Variants in SEPTIN9 observed in about 807,000 individuals in gnomAD.
SEPTIN9 encodes septin-9.
In SEPTIN9, 13 loss-of-function variants were observed where a neutral mutation model predicts 56.6. The ratio of observed to expected loss-of-function variants is 0.23; its 90% confidence interval spans 0.15 to 0.37. The LOEUF (loss-of-function observed/expected upper bound fraction) is 0.37. Ranked by LOEUF, SEPTIN9 falls within the 10% of genes least tolerant of loss-of-function variation. The pLI, the probability that SEPTIN9 is intolerant of heterozygous loss-of-function variation, is 1.00. For synonymous variants in SEPTIN9, 332 were observed against 334.1 expected, an observed-to-expected ratio of 0.99 and a Z score of 0.07; for missense variants, 650 against 823.1, an observed-to-expected ratio of 0.79 and a Z score of 2.57.
At position 77,402,658 on chromosome 17, in the gene SEPTIN9, A is replaced by G; in HGVS notation, c.676A>G (p.Lys226Glu). ...VSQLQSRLEP[K>E]PQPPVAEATP... The stretch of plus-strand genomic sequence containing the variant: ...TCAGCTGCAGAGCAGGCTGGAGCCC[A>G]AGCCCCAGCCCCCTGTGGCTGAGGC... Residue 226 changes from lysine (K) to glutamate (E), a missense_variant, in exon 3 of 12, where the codon AAG (lysine) becomes GAG (glutamate). Transcript: ENST00000427177. This position sits in a 1 kb window ranked among gnomAD's most constrained non-coding sequence, Gnocchi z 6.6. The G allele has an allele frequency of 6.2e-7, 1 of 1,611,196 alleles. No homozygotes were observed. The highest frequency in any genetic ancestry group is 8.5e-7 in the Non-Finnish European group (1 of 1,178,562).
chr17:77,439,629 C>T (rs1217453569), intron 3 of SEPTIN9, among the ~76,000 whole-genome samples: 3 of 150,894 alleles, frequency 2.0e-5, no homozygotes, highest in African/African-American at 4.8e-5. Flanking sequence ...TGAGCAGATC[C>T]CCACACCTTA....
chr17:77,361,311 G>C (rs567590060), intron 2 of SEPTIN9, among the ~76,000 whole-genome samples: 1 of 152,266 alleles, frequency 6.6e-6, no homozygotes, highest in Non-Finnish European at 1.5e-5. Flanking sequence ...GACAGAGCCT[G>C]CCCTCCTTTT....
chr17:77,492,531 G>A lies in SEPTIN9; in HGVS notation c.1381-90G>A. 3 of 1,169,780 alleles carry A rather than the reference G, an allele frequency of 2.6e-6. No homozygotes were observed. The highest frequency in any genetic ancestry group is 2.4e-5 in the South Asian group (2 of 82,174). The allele number at this position is 1,169,780 out of a possible 1,614,324, so 72.5% of individuals were successfully genotyped here. On this transcript the variant is annotated intron_variant, in intron 8 of 11. Transcript: ENST00000427177. The surrounding 1 kb of genome is among the most constrained non-coding windows in gnomAD (Gnocchi z 5.4). ...TGCCCTTGAACCCGAGCCTGGGGCAGCACACAGTGTGGAGGTCATGTGGCA... is the reference window on the plus strand; with the variant it reads ...TGCCCTTGAACCCGAGCCTGGGGCAACACACAGTGTGGAGGTCATGTGGCA...
intron 3 of SEPTIN9, among the ~76,000 whole-genome samples, chr17:77,441,076 C>T (rs1049714216): frequency 1.3e-5 from 2 of 152,182 alleles, no homozygotes; most frequent in African/African-American, 4.8e-5. Flanking sequence ...GTTTTCTCAG[C>T]CTCTGGTGTG....
In SEPTIN9 at chr17:77,499,377, T is replaced by TC. The variant is rs1215138803; in HGVS notation, c.*720dup. On this transcript the variant is annotated 3_prime_UTR_variant, in exon 12 of 12. Coordinates refer to ENST00000427177, the MANE Select transcript of SEPTIN9 (RefSeq NM_001113491.2). ...TCTTCATCTCCCTGCCATCCCCCTC[T>TC]CACGCCACCCCCGCCCCCACCGGGC... is the stretch of plus-strand genomic sequence containing the variant. 3.5e-6 allele frequency: 2 copies of TC among 564,082 alleles called. No individual in the cohort carries two copies. Among genetic ancestry groups the TC allele is most frequent in the Admixed American group, 4.1e-5 (2 of 48,590 alleles). 34.9% of individuals were successfully genotyped at this position (564,082 alleles called of 1,614,324 possible).
chr17:77,364,488 A>C (rs1042778525), intron 2 of SEPTIN9, among the ~76,000 whole-genome samples: 63 of 152,186 alleles, frequency 4.1e-4, no homozygotes, highest in African/African-American at 1.3e-3. Flanking sequence ...TTTGCACTGG[A>C]GCCTCTTTGG....
Position 77,498,838 on chromosome 17 carries a change from C to T in SEPTIN9, c.*180C>T, listed in dbSNP as rs2040391381. ...CCCTCCGAGTGAGTCAGTGATGAGG[C>T]CGCGGCCTCCCCGAGGTTGTGGGGA... On this transcript the variant is annotated 3_prime_UTR_variant, in exon 12 of 12. Transcript: ENST00000427177. 4.7e-6 allele frequency: 3 copies of T among 632,426 alleles called. No individual in the cohort carries two copies. Among genetic ancestry groups the T allele is most frequent in the African/African-American group, 1.8e-5 (1 of 55,930 alleles). 39.2% of individuals were successfully genotyped at this position (632,426 alleles called of 1,614,324 possible). A position where few individuals can be genotyped will look rare whatever the true frequency, so the allele number is the denominator to read the frequency against.
In SEPTIN9 at chr17:77,402,614, C is replaced by T. The variant is rs756500601; in HGVS notation, c.632C>T (p.Ser211Leu). 1 of 1,612,928 alleles carries T rather than the reference C, an allele frequency of 6.2e-7. No homozygotes were observed. The highest frequency in any genetic ancestry group is 1.1e-5 in the South Asian group (1 of 90,926). The change falls in exon 3 of 12, where the codon TCA becomes TTA. Residue 211 changes from serine to leucine, a missense_variant. Physicochemically the swap from Ser to Leu is moderately radical, Grantham distance 145. This residue lies in a region of SEPTIN9 where 317 missense variants were observed against 329.1 expected (regional missense o/e 0.96). Coordinates refer to ENST00000427177, the MANE Select transcript of SEPTIN9 (RefSeq NM_001113491.2). The surrounding 1 kb of genome is among the most constrained non-coding windows in gnomAD (Gnocchi z 6.6). ...APSPAQTLEN[S>L]EPAPVSQLQS... ...AGCCCAGCCCAGACCTTGGAGAATTCAGAGCCTGCCCCTGTGTCTCAGCTG... is the reference window on the plus strand; with the variant it reads ...AGCCCAGCCCAGACCTTGGAGAATTTAGAGCCTGCCCCTGTGTCTCAGCTG...
In SEPTIN9 at chr17:77,319,446, G is replaced by C; in HGVS notation, c.76+12249G>C. 1.6e-6 allele frequency: 1 copy of C among 617,410 alleles called. No individual in the cohort carries two copies. The highest frequency in any genetic ancestry group is 2.1e-6 in the Non-Finnish European group (1 of 482,260). The allele number at this position is 617,410 out of a possible 1,614,324, so 38.2% of individuals were successfully genotyped here. Reference sequence around the variant, plus strand: ...CGGCTAGAGACTCACTGACTCATGCGTGTGTGGTAGGAATCTTCCAGGAAG... The same window carrying C: ...CGGCTAGAGACTCACTGACTCATGCCTGTGTGGTAGGAATCTTCCAGGAAG... On this transcript the variant is annotated intron_variant, in intron 2 of 11. Coordinates refer to ENST00000427177, the MANE Select transcript of SEPTIN9 (RefSeq NM_001113491.2). The surrounding 1 kb of genome is among the most constrained non-coding windows in gnomAD (Gnocchi z 5.3).
In SEPTIN9 at chr17:77,309,654, G is replaced by A. The variant is rs1428548264; in HGVS notation, c.76+2457G>A. ...AAGGCTCTTCTCGAGGTTGTGTTTG[G>A]GACTGGGCCAGGGATGACATTTCTG... On this transcript the variant is annotated intron_variant, in intron 2 of 11. Transcript: ENST00000427177. Among the ~76,000 whole-genome samples the A allele has an allele frequency of 3.3e-5, 5 of 152,094 alleles. No individual in the cohort carries two copies. In the South Asian group the frequency reaches 8.3e-4, roughly 25 times the overall value.
At chr17:77,418,328 G>A (rs1045426651) in intron 3 of SEPTIN9, among the ~76,000 whole-genome samples, 2 of 152,150 alleles carry the variant, frequency 1.3e-5, no homozygotes, top group African/African-American at 2.4e-5. Context: ...TCTGAGAGCC[G>A]CCTGGCCTCC....
intron 10 of SEPTIN9, among the ~76,000 whole-genome samples, chr17:77,496,582 C>T (rs1354902489): frequency 2.6e-5 from 4 of 152,244 alleles, no homozygotes; most frequent in African/African-American, 9.6e-5. Context: ...AATGACCACT[C>T]TGAGATGGCC....
intron 2 of SEPTIN9, among the ~76,000 whole-genome samples, chr17:77,363,305 G>C (rs372028351): frequency 8.6e-5 from 13 of 151,350 alleles, no homozygotes; most frequent in South Asian, 8.4e-4. Context: ...AACTTTCTCT[G>C]ACGTGATACA....
intron 2 of SEPTIN9, among the ~76,000 whole-genome samples, chr17:77,340,920 T>G (rs1236234762): frequency 1.3e-5 from 2 of 152,254 alleles, no homozygotes; most frequent in Non-Finnish European, 2.9e-5. Context: ...CTTCTCCAGC[T>G]TCCTCACTTC....
chr17:77,387,983 C>G (rs2035398991), intron 2 of SEPTIN9, among the ~76,000 whole-genome samples: 1 of 151,858 alleles, frequency 6.6e-6, no homozygotes, highest in African/African-American at 2.4e-5. Flanking sequence ...CAGCTACCCC[C>G]TACCCCAGAC....
chr17:77,494,891 G>T (rs1288553544), intron 10 of SEPTIN9, among the ~76,000 whole-genome samples: 1 of 152,204 alleles, frequency 6.6e-6, no homozygotes, highest in Non-Finnish European at 1.5e-5. Context: ...GGCCCACCCT[G>T]CGGGAGCTGC....
intron 2 of SEPTIN9, among the ~76,000 whole-genome samples, chr17:77,315,648 G>A (rs58760600): frequency 0.015 from 2,212 of 152,344 alleles, 51 homozygotes; most frequent in African/African-American, 0.051. Flanking sequence ...TTGAGTGAGT[G>A]TGACACTTCC....
rs914337134 is a variant in SEPTIN9 at position 77,392,499 on chromosome 17, T to C, written c.77-9560T>C. Reference sequence around the variant, plus strand: ...GACCCCAGGTCCCAGACCTCAGTCATTGGGCCACGTGTGCAGATAAGCCTG... The same window carrying C: ...GACCCCAGGTCCCAGACCTCAGTCACTGGGCCACGTGTGCAGATAAGCCTG... On this transcript the variant is annotated intron_variant, in intron 2 of 11. Coordinates refer to ENST00000427177, the MANE Select transcript of SEPTIN9 (RefSeq NM_001113491.2). 8.5e-5 allele frequency among the ~76,000 whole-genome samples: 13 copies of C among 152,314 alleles called. No individual in the cohort carries two copies. In the South Asian group the frequency reaches 1.0e-3, roughly 12 times the overall value.
At chr17:77,378,784 T>G (rs2035030093) in intron 2 of SEPTIN9, among the ~76,000 whole-genome samples, 1 of 152,258 alleles carries the variant, frequency 6.6e-6, no homozygotes. Flanking sequence ...TGGCGTCATG[T>G]TGGCTGCAGG....
Sources: gnomAD v4.1 joint callset for allele counts (sites outside exome capture counted in the v4.1 genomes callset) on GRCh38, gnomAD v4.1.1 for gene constraint, gnomAD v4.1.1 regional missense constraint, Gnocchi (gnomAD v3.1) non-coding constraint, MANE v1.5 for transcripts, NCBI Gene and HGNC (gene_info 2026-07-23, HGNC 2026-07-21) for gene names.